The following RPS6KA5 variants were observed in gnomAD, a reference collection of about 807,000 sequenced individuals.
RPS6KA5 encodes ribosomal protein S6 kinase A5, also known as ribosomal protein S6 kinase alpha-5.
Under a neutral mutation model 85.5 loss-of-function variants are expected in RPS6KA5, and 27 were observed. That is an observed-to-expected ratio of 0.32 (90% CI 0.23 to 0.44). The LOEUF (loss-of-function observed/expected upper bound fraction) is 0.44. Among genes scored for constraint, RPS6KA5 ranks in the 20% least tolerant of loss-of-function variants. RPS6KA5 has a pLI of 1.00. For missense variants in RPS6KA5, 811 were observed against 980.9 expected, an observed-to-expected ratio of 0.83 and a Z score of 2.31; for synonymous variants, 334 against 348.2, an observed-to-expected ratio of 0.96 and a Z score of 0.46.
At chr14:90,940,433 T>C (rs1470949406) in intron 5 of RPS6KA5, among the ~76,000 whole-genome samples, 1 of 152,200 alleles carries the variant, frequency 6.6e-6, no homozygotes, top group Non-Finnish European at 1.5e-5. Context: ...AAGAGTGACC[T>C]GGCTGATTCA....
chr14:91,027,679 G>T (rs1237371515), intron 1 of RPS6KA5, among the ~76,000 whole-genome samples: 2 of 152,092 alleles, frequency 1.3e-5, no homozygotes, highest in East Asian at 1.9e-4. Flanking sequence ...GCTTGTCTAG[G>T]GTTCTGTTAC....
intron 3 of RPS6KA5, among the ~76,000 whole-genome samples, chr14:90,961,228 A>G (rs2038779233): frequency 1.3e-5 from 2 of 152,268 alleles, no homozygotes; most frequent in South Asian, 4.1e-4. Flanking sequence ...AGTAGGTACT[A>G]TTAAAATAAT....
chr14:90,984,746 T>C (rs1482202953), intron 2 of RPS6KA5, among the ~76,000 whole-genome samples: 1 of 152,208 alleles, frequency 6.6e-6, no homozygotes, highest in Non-Finnish European at 1.5e-5. Context: ...TAAGCACTTA[T>C]GGCTATAATA....
At chr14:90,914,968 G>C (rs532588769) in intron 7 of RPS6KA5, among the ~76,000 whole-genome samples, 2 of 152,240 alleles carry the variant, frequency 1.3e-5, no homozygotes, top group East Asian at 3.9e-4. Context: ...ATTGGGTACA[G>C]AAATACCCAA....
chr14:91,044,891 A>G (rs911307106), intron 1 of RPS6KA5, among the ~76,000 whole-genome samples: 2 of 151,916 alleles, frequency 1.3e-5, no homozygotes, highest in African/African-American at 4.8e-5. Flanking sequence ...AGAAAAAAAA[A>G]GGTGGAAGAG....
intron 5 of RPS6KA5, among the ~76,000 whole-genome samples, chr14:90,935,745 A>T (rs569614854): frequency 6.6e-6 from 1 of 152,158 alleles, no homozygotes; most frequent in Admixed American, 6.5e-5. Flanking sequence ...TTCAGCCAAC[A>T]TATTATTTTT....
intron 5 of RPS6KA5, among the ~76,000 whole-genome samples, chr14:90,926,277 G>C (rs1011353548): frequency 2.0e-5 from 3 of 151,698 alleles, no homozygotes; most frequent in Non-Finnish European, 4.4e-5. Flanking sequence ...TGTAGTCCCA[G>C]CTATTCAGGA....
intron 7 of RPS6KA5, among the ~76,000 whole-genome samples, chr14:90,914,309 GTTTTTTTT>G (rs10658805): frequency 3.7e-5 from 3 of 81,520 alleles, no homozygotes; most frequent in African/African-American, 9.7e-5. Flanking sequence ...GATCCCTAGG[GTTTTTTTT>G]TTTTTTTTTT....
At chr14:90,890,429 A>G (rs936440227) in intron 14 of RPS6KA5, 58 bp downstream of exon 14, 2 of 1,412,774 alleles carry the variant, frequency 1.4e-6, no homozygotes, top group African/African-American at 2.9e-5. Flanking sequence ...GAGTGAGATA[A>G]GGAGAGAGGA....
Position 90,919,588 on chromosome 14 carries a change from G to T in RPS6KA5, c.806+618C>A, listed in dbSNP as rs562617089. Among the ~76,000 whole-genome samples the T allele has an allele frequency of 4.0e-5, 6 of 151,722 alleles. No individual in the cohort carries two copies. The South Asian group carries it at 1.2e-3, about 32-fold the overall frequency. On this transcript the variant is annotated intron_variant, in intron 7 of 16. Transcript: ENST00000614987. ...CCCATTTTATCCCTCAAATATTTAC[G>T]GCATTCTATATAGCAAGTACTGAGA... is the stretch of plus-strand genomic sequence containing the variant.
In RPS6KA5 at chr14:90,871,778, C is replaced by T. The variant is rs539388386; in HGVS notation, c.*296G>A. The T allele has an allele frequency of 1.3e-5, 3 of 233,770 alleles. No individual in the cohort carries two copies. The highest frequency in any genetic ancestry group is 1.8e-4 in the East Asian group (2 of 11,254). The allele number at this position is 233,770 out of a possible 1,614,324, so 14.5% of individuals were successfully genotyped here. A position where few individuals can be genotyped will look rare whatever the true frequency, so the allele number is the denominator to read the frequency against. The stretch of plus-strand genomic sequence containing the variant: ...AGACATCTGGAAAACCTGTGACTTA[C>T]AAGCAGCTCAAATCTAGCCCTAATT... On this transcript the variant is annotated 3_prime_UTR_variant, in exon 17 of 17. Coordinates refer to ENST00000614987, the MANE Select transcript of RPS6KA5 (RefSeq NM_004755.4).
At chr14:90,994,476 T>C (rs2040430926) in intron 2 of RPS6KA5, among the ~76,000 whole-genome samples, 1 of 151,984 alleles carries the variant, frequency 6.6e-6, no homozygotes. Context: ...TATCTAATAA[T>C]TCCAACAGTC....
At chr14:91,044,078 T>A (rs1407049601) in intron 1 of RPS6KA5, among the ~76,000 whole-genome samples, 1 of 151,720 alleles carries the variant, frequency 6.6e-6, no homozygotes, top group Non-Finnish European at 1.5e-5. Flanking sequence ...AATACAAAAA[T>A]TAGCTGGGCA....
At chr14:91,022,703 T>C (rs968043075) in intron 1 of RPS6KA5, among the ~76,000 whole-genome samples, 4 of 152,216 alleles carry the variant, frequency 2.6e-5, no homozygotes, top group African/African-American at 9.6e-5. Flanking sequence ...AAATTGAAAT[T>C]GAAACTAAAA....
At chr14:91,050,764 T>A (rs541644966) in intron 1 of RPS6KA5, among the ~76,000 whole-genome samples, 7 of 151,378 alleles carry the variant, frequency 4.6e-5, no homozygotes, top group Admixed American at 3.9e-4. Flanking sequence ...TTTAAAAAAA[T>A]AAAAATAAAA....
At chr14:90,912,092 C>T (rs569304372) in intron 7 of RPS6KA5, among the ~76,000 whole-genome samples, 2 of 152,210 alleles carry the variant, frequency 1.3e-5, no homozygotes, top group African/African-American at 4.8e-5. Context: ...CTTTGTCCTC[C>T]CCCAGCATTC....
intron 3 of RPS6KA5, among the ~76,000 whole-genome samples, chr14:90,974,510 C>A (rs918741729): frequency 2.6e-5 from 4 of 152,240 alleles, no homozygotes; most frequent in Non-Finnish European, 5.9e-5. Flanking sequence ...TGAATCCAGG[C>A]TGGTCTTGTG....
At chr14:90,993,897 A>C (rs1595426556) in intron 2 of RPS6KA5, among the ~76,000 whole-genome samples, 1 of 150,616 alleles carries the variant, frequency 6.6e-6, no homozygotes. Flanking sequence ...TATCTTCTCT[A>C]TCTATTCTCT....
intron 1 of RPS6KA5, among the ~76,000 whole-genome samples, chr14:91,046,341 G>A (rs1329959147): frequency 6.6e-6 from 1 of 152,128 alleles, no homozygotes; most frequent in African/African-American, 2.4e-5. Context: ...AAAGTTATGA[G>A]TTTGATTTGC....
Sources: allele counts gnomAD v4.1 joint callset (sites outside exome capture counted in the v4.1 genomes callset), GRCh38; gene constraint gnomAD v4.1.1; transcripts MANE v1.5; gene names NCBI Gene and HGNC (gene_info 2026-07-23, HGNC 2026-07-21).